The following CDHR3 variants were observed in gnomAD, a reference collection of about 807,000 sequenced individuals.
The protein encoded by CDHR3 is cadherin related family member 3, also known as cadherin-related family member 3.
In CDHR3, 79 loss-of-function variants were observed where a neutral mutation model predicts 86.6. The observed-to-expected ratio is 0.91, with a 90% CI of 0.76 to 1.10. The LOEUF (loss-of-function observed/expected upper bound fraction) is 1.10, where lower values mean the gene tolerates loss of function less well. CDHR3 is among the 50% of genes least tolerant of loss of function. CDHR3 has a pLI of 0.00. For missense variants in CDHR3, 1,081 were observed against 1,077.6 expected, an observed-to-expected ratio of 1.00 and a Z score of -0.04; for synonymous variants, 421 against 402.4, an observed-to-expected ratio of 1.05 and a Z score of -0.55.
intron 4 of CDHR3, among the ~76,000 whole-genome samples, chr7:105,987,269 A>G (rs56324790): frequency 0.012 from 1,767 of 152,258 alleles, 17 homozygotes; most frequent in Non-Finnish European, 0.02. Flanking sequence ...CAGTGAGTTG[A>G]GGAGTTGTTT....
intron 12 of CDHR3, among the ~76,000 whole-genome samples, chr7:106,019,334 G>T (rs570814899): frequency 6.6e-6 from 1 of 151,686 alleles, no homozygotes; most frequent in African/African-American, 2.4e-5. Context: ...GATGTGCAAG[G>T]TTTGGCATTG....
At chr7:106,010,296 C>A (rs1174467300) in intron 8 of CDHR3, among the ~76,000 whole-genome samples, 1 of 152,122 alleles carries the variant, frequency 6.6e-6, no homozygotes, top group African/African-American at 2.4e-5. Context: ...ATGCTCGGAA[C>A]CACTCTTTCT....
At chr7:105,967,710 A>G (rs886360140) in intron 1 of CDHR3, among the ~76,000 whole-genome samples, 17 of 152,266 alleles carry the variant, frequency 1.1e-4, no homozygotes, top group African/African-American at 3.9e-4. Flanking sequence ...GGCCAGTGAT[A>G]ATGAGCATTT....
At chr7:105,986,818 TC>T (rs1480293007) in intron 4 of CDHR3, among the ~76,000 whole-genome samples, 1 of 152,150 alleles carries the variant, frequency 6.6e-6, no homozygotes, top group Non-Finnish European at 1.5e-5. Context: ...TCCTTTATGA[TC>T]ATGCTTCAGG....
rs1018283507 is a variant in CDHR3, at chr7:106,033,095, C to T, written c.*398C>T. 5.8e-6 allele frequency: 1 copy of T among 173,074 alleles called. No homozygotes were observed. Among genetic ancestry groups the T allele is most frequent in the African/African-American group, 2.4e-5 (1 of 42,100 alleles). 10.7% of individuals were successfully genotyped at this position (173,074 alleles called of 1,614,324 possible). A position where few individuals can be genotyped will look rare whatever the true frequency, so the allele number is the denominator to read the frequency against. Reference sequence around the variant, plus strand: ...TTACATCTGGTTTCCACCTTATTTTCCTGCCCTCGTTTTAACATCACCCAG... The same window carrying T: ...TTACATCTGGTTTCCACCTTATTTTTCTGCCCTCGTTTTAACATCACCCAG... On this transcript the variant is annotated 3_prime_UTR_variant, in exon 19 of 19. Transcript: ENST00000317716.
chr7:106,033,074 A>G lies in CDHR3; in HGVS notation c.*377A>G, dbSNP rs10236755. ...CATAAATAGTGAAGACTATCCTTAC[A>G]TCTGGTTTCCACCTTATTTTCCTGC... On this transcript the variant is annotated 3_prime_UTR_variant, in exon 19 of 19. Transcript: ENST00000317716. 1.7e-3 allele frequency: 313 copies of G among 186,198 alleles called. 1 individual carries two copies. The highest frequency in any genetic ancestry group is 6.9e-3 in the African/African-American group (297 of 42,844). The allele number at this position is 186,198 out of a possible 1,614,324, so 11.5% of individuals were successfully genotyped here. A position where few individuals can be genotyped will look rare whatever the true frequency, so the allele number is the denominator to read the frequency against.
chr7:105,993,677 C>CAAAA (rs55787798), intron 4 of CDHR3, among the ~76,000 whole-genome samples: 15 of 91,758 alleles, frequency 1.6e-4, no homozygotes, highest in Non-Finnish European at 1.8e-4. Context: ...CTCTGTCTCA[C>CAAAA]AAAAAAAAAA....
rs551474945 is a variant in CDHR3, at chr7:106,009,213, G to A, written c.1053-3647G>A. Among the ~76,000 whole-genome samples the A allele has an allele frequency of 9.9e-5, 15 of 152,280 alleles. No homozygotes were observed. The South Asian group carries it at 2.1e-3, about 21-fold the overall frequency. ...AGTTCCCTCTTTGGGCTCTTCTAGC[G>A]GGAGGAACTCTCAGCCACCCTATGA... On this transcript the variant is annotated intron_variant, in intron 8 of 18. Transcript: ENST00000317716.
chr7:106,001,924 C>A (rs553572072), intron 7 of CDHR3, among the ~76,000 whole-genome samples: 1 of 152,244 alleles, frequency 6.6e-6, no homozygotes, highest in East Asian at 1.9e-4. Context: ...ATGCAGCCAG[C>A]CATTTATTTT....
intron 8 of CDHR3, among the ~76,000 whole-genome samples, chr7:106,006,380 A>G (rs1409109847): frequency 6.6e-6 from 1 of 152,088 alleles, no homozygotes; most frequent in Non-Finnish European, 1.5e-5. Context: ...TTCAGCATTA[A>G]CTCAAAAGTC....
intron 4 of CDHR3, among the ~76,000 whole-genome samples, chr7:105,994,060 A>T (rs1031746382): frequency 1.3e-5 from 2 of 152,202 alleles, no homozygotes; most frequent in African/African-American, 4.8e-5. Context: ...CCTGGACTGT[A>T]AGCCCTGTTA....
At position 105,996,333 on chromosome 7, in the gene CDHR3, A is replaced by T; in HGVS notation, c.692A>T (p.Asp231Val). 6.3e-7 allele frequency: 1 copy of T among 1,594,498 alleles called. No individual in the cohort carries two copies. The highest frequency in any genetic ancestry group is 1.1e-5 in the South Asian group (1 of 89,902). ...CAGGTGAACATCGTGAACCTCAACG[A>T]CGAAGTCCCTCGCTTTACCAGGTAG... ...ELQVNIVNLNDEVPRFTSPTR... is the reference protein window; with the variant it reads ...ELQVNIVNLNVEVPRFTSPTR... The change falls in exon 6 of 19, where the codon GAC becomes GTC. Residue 231 changes from aspartate to valine, a missense_variant. By Grantham distance (152) the Asp-to-Val change is radical. Coordinates refer to ENST00000317716, the MANE Select transcript of CDHR3 (RefSeq NM_152750.5).
At chr7:105,967,783 C>A (rs1473392294) in intron 1 of CDHR3, among the ~76,000 whole-genome samples, 1 of 152,194 alleles carries the variant, frequency 6.6e-6, no homozygotes, top group African/African-American at 2.4e-5. Context: ...ATATCCTTCA[C>A]CCACTTTTTG....
In CDHR3 at chr7:105,980,609, T is replaced by TAA. The variant is rs1563238878; in HGVS notation, c.250-359_250-358insAA. 2.6e-3 allele frequency among the ~76,000 whole-genome samples: 104 copies of TAA among 40,632 alleles called. 5 individuals carry two copies. Among genetic ancestry groups the TAA allele is most frequent in the African/African-American group, 7.9e-3 (100 of 12,728 alleles). 26.7% of individuals were successfully genotyped at this position (40,632 alleles called of 152,430 possible). A position where few individuals can be genotyped will look rare whatever the true frequency, so the allele number is the denominator to read the frequency against. The stretch of plus-strand genomic sequence containing the variant: ...GGTTTTTTTTTTTTTTTTTTTTAAT[T>TAA]TTTTTTTTTTTTAATTTTTTTTTTT... On this transcript the variant is annotated intron_variant, in intron 2 of 18. Transcript: ENST00000317716.
rs35573554 is a variant in CDHR3 at position 106,003,133 on chromosome 7, CA to C, written c.863-1346del. Among the ~76,000 whole-genome samples, 523 of 100,070 alleles carry C rather than the reference CA, an allele frequency of 5.2e-3. 2 individuals carry two copies. The highest frequency in any genetic ancestry group is 9.8e-3 in the East Asian group (29 of 2,956). 65.6% of individuals were successfully genotyped at this position (100,070 alleles called of 152,430 possible). A position where few individuals can be genotyped will look rare whatever the true frequency, so the allele number is the denominator to read the frequency against. On this transcript the variant is annotated intron_variant, in intron 7 of 18. Coordinates refer to ENST00000317716, the MANE Select transcript of CDHR3 (RefSeq NM_152750.5). Reference sequence around the variant, plus strand: ...TGGGTGACAGAGCAAAAACCTGTCTCAAAAAAAAAAAAAAAAAAAGTGATTC... The same window carrying C: ...TGGGTGACAGAGCAAAAACCTGTCTCAAAAAAAAAAAAAAAAAAGTGATTC...
At chr7:105,987,913 A>G (rs963233557) in intron 4 of CDHR3, among the ~76,000 whole-genome samples, 1 of 152,214 alleles carries the variant, frequency 6.6e-6, no homozygotes, top group African/African-American at 2.4e-5. Context: ...TTTTTGAGAC[A>G]GGGTCTTACC....
At position 106,022,243 on chromosome 7, in the gene CDHR3, A is replaced by C. The variant is rs1457007631; in HGVS notation, c.1871A>C (p.Asn624Thr). 1 of 1,614,038 alleles carries C rather than the reference A, an allele frequency of 6.2e-7. No individual in the cohort carries two copies. ...ACCTTCTCTCCCAATGCTGGTTCCA[A>C]TGTCACACGCCTGCTGCTTACATCT... is the stretch of plus-strand genomic sequence containing the variant. Reference protein sequence around the residue: ...HFTFSPNAGSNVTRLLLTSRF... With the variant: ...HFTFSPNAGSTVTRLLLTSRF... The change falls in exon 14 of 19, where the codon AAT (asparagine) becomes ACT (threonine). Residue 624 changes from asparagine to threonine, a missense_variant. Coordinates refer to ENST00000317716, the MANE Select transcript of CDHR3 (RefSeq NM_152750.5).
chr7:106,021,663 C>T (rs184460877), intron 13 of CDHR3, among the ~76,000 whole-genome samples: 15 of 152,302 alleles, frequency 9.8e-5, no homozygotes, highest in Admixed American at 9.8e-4. Context: ...CCTGGGACTG[C>T]AATTCCCGCA....
At chr7:105,971,754 G>A (rs557335533) in intron 1 of CDHR3, among the ~76,000 whole-genome samples, 5 of 152,244 alleles carry the variant, frequency 3.3e-5, no homozygotes, top group African/African-American at 7.2e-5. Flanking sequence ...CTCTCCACTC[G>A]GGGTGAGGCT....
Sources: allele counts gnomAD v4.1 joint callset (sites outside exome capture counted in the v4.1 genomes callset), GRCh38; gene constraint gnomAD v4.1.1; transcripts MANE v1.5; gene names NCBI Gene and HGNC (gene_info 2026-07-23, HGNC 2026-07-21).